Variants in SCAPER observed in about 807,000 individuals in gnomAD.
The protein encoded by SCAPER is S-phase cyclin A associated protein in the ER, also known as S phase cyclin A-associated protein in the endoplasmic reticulum.
A neutral mutation model predicts 182.2 loss-of-function variants in SCAPER; 98 were observed. That is an observed-to-expected ratio of 0.54 (90% CI 0.46 to 0.64). The LOEUF is 0.64. Among genes scored for constraint, SCAPER ranks in the 30% least tolerant of loss-of-function variants. The probability of loss-of-function intolerance (pLI) is 0.00; values close to 1 mark genes in which losing one functional copy is unlikely to be tolerated. For missense variants in SCAPER, 1,432 were observed against 1,690.0 expected, an observed-to-expected ratio of 0.85 and a Z score of 2.68; for synonymous variants, 605 against 564.6, an observed-to-expected ratio of 1.07 and a Z score of -1.01.
intron 1 of SCAPER, among the ~76,000 whole-genome samples, chr15:76,900,778 C>A (rs1299546687): frequency 6.6e-6 from 1 of 152,140 alleles, no homozygotes; most frequent in Non-Finnish European, 1.5e-5. Context: ...CAGTGAGAAG[C>A]CTGCTGGTAG....
chr15:76,386,669 G>A (rs529971458), intron 27 of SCAPER, among the ~76,000 whole-genome samples: 1 of 152,222 alleles, frequency 6.6e-6, no homozygotes, highest in South Asian at 2.1e-4. Flanking sequence ...GTGGACACCT[G>A]GGGGAAGGGT....
intron 8 of SCAPER, among the ~76,000 whole-genome samples, chr15:76,779,239 A>G (rs901548359): frequency 6.6e-6 from 1 of 152,158 alleles, no homozygotes; most frequent in African/African-American, 2.4e-5. Context: ...ACAGTGAAAA[A>G]AAATTTCAAA....
intron 23 of SCAPER, among the ~76,000 whole-genome samples, chr15:76,536,341 CA>C (rs2044159073): frequency 6.6e-6 from 1 of 152,026 alleles, no homozygotes; most frequent in Non-Finnish European, 1.5e-5. Context: ...AAAAAACACC[CA>C]GTATTAAAAT....
chr15:76,602,976 C>CTTTT (rs34097680), intron 22 of SCAPER, among the ~76,000 whole-genome samples: 1 of 57,822 alleles, frequency 1.7e-5, no homozygotes, highest in African/African-American at 4.4e-5. Context: ...AGCAAGAAAA[C>CTTTT]TTTTTTTTTT....
intron 22 of SCAPER, among the ~76,000 whole-genome samples, chr15:76,597,846 C>A (rs2145752430): frequency 8.2e-6 from 1 of 121,226 alleles, no homozygotes; most frequent in South Asian, 2.5e-4. Context: ...ATCATAAAAA[C>A]CCTAGAAGAA....
chr15:76,822,313 A>C (rs1568253782), intron 5 of SCAPER, among the ~76,000 whole-genome samples: 1 of 152,202 alleles, frequency 6.6e-6, no homozygotes, highest in Admixed American at 6.5e-5. Flanking sequence ...TGTGAACCTA[A>C]AATTGGTCTT....
chr15:76,811,992 G>C (rs1462966091), intron 5 of SCAPER, among the ~76,000 whole-genome samples: 1 of 151,768 alleles, frequency 6.6e-6, no homozygotes, highest in Non-Finnish European at 1.5e-5. Flanking sequence ...AAATAATAAA[G>C]ATAACAATAG....
At chr15:76,491,675 A>G (rs968260274) in intron 24 of SCAPER, among the ~76,000 whole-genome samples, 1 of 152,128 alleles carries the variant, frequency 6.6e-6, no homozygotes, top group Non-Finnish European at 1.5e-5. Flanking sequence ...TCTGTTGCCC[A>G]GGCTGGAGTG....
At chr15:76,501,423 T>C (rs982950128) in intron 24 of SCAPER, among the ~76,000 whole-genome samples, 1 of 149,570 alleles carries the variant, frequency 6.7e-6, no homozygotes, top group African/African-American at 2.5e-5. Flanking sequence ...AAACAAGACA[T>C]GCAACTACTG....
chr15:76,607,916 G>A (rs142988870), intron 22 of SCAPER, among the ~76,000 whole-genome samples: 5,261 of 152,144 alleles, frequency 0.035, 127 homozygotes, highest in Non-Finnish European at 0.05. Flanking sequence ...TTATCCATTC[G>A]TCTAATTTTT....
At chr15:76,756,638 G>T (rs1010144372) in intron 14 of SCAPER, among the ~76,000 whole-genome samples, 1 of 151,918 alleles carries the variant, frequency 6.6e-6, no homozygotes, top group African/African-American at 2.4e-5. Flanking sequence ...ACAGAAAAAT[G>T]TGAGCTGATA....
At chr15:76,900,142 A>G (rs1483574034) in intron 1 of SCAPER, among the ~76,000 whole-genome samples, 1 of 152,128 alleles carries the variant, frequency 6.6e-6, no homozygotes, top group Non-Finnish European at 1.5e-5. Flanking sequence ...TGAAGGCAGC[A>G]TGCTCGTTAA....
intron 23 of SCAPER, among the ~76,000 whole-genome samples, chr15:76,536,983 TA>T (rs1199928280): frequency 6.6e-6 from 1 of 151,994 alleles, no homozygotes; most frequent in Non-Finnish European, 1.5e-5. Flanking sequence ...TCAAAGAGAA[TA>T]AAATACTTAG....
intron 23 of SCAPER, among the ~76,000 whole-genome samples, chr15:76,517,413 G>A (rs1035749922): frequency 3.4e-5 from 5 of 148,772 alleles, no homozygotes; most frequent in African/African-American, 1.2e-4. Flanking sequence ...GCAGTGGTGT[G>A]ATCTTGACTC....
intron 23 of SCAPER, among the ~76,000 whole-genome samples, chr15:76,550,291 C>A (rs893738598): frequency 6.6e-6 from 1 of 152,000 alleles, no homozygotes; most frequent in Non-Finnish European, 1.5e-5. Flanking sequence ...ACCTGTCAAC[C>A]CATCACCTAG....
chr15:76,896,969 A>T (rs1334073711), intron 1 of SCAPER, among the ~76,000 whole-genome samples: 3 of 151,732 alleles, frequency 2.0e-5, no homozygotes, highest in Non-Finnish European at 2.9e-5. Flanking sequence ...TTTTTTTTTT[A>T]AAAAGAGTAA....
chr15:76,515,069 G>A (rs145858686), intron 23 of SCAPER, among the ~76,000 whole-genome samples: 21 of 152,316 alleles, frequency 1.4e-4, no homozygotes, highest in Middle Eastern at 3.4e-3. Context: ...GGAAGGTGAT[G>A]CCAAAAACAG....
At chr15:76,725,015 C>T (rs777841464) in intron 17 of SCAPER, among the ~76,000 whole-genome samples, 104 of 152,030 alleles carry the variant, frequency 6.8e-4, no homozygotes, top group Non-Finnish European at 1.4e-3. Context: ...CCATCTTCTG[C>T]GTTGCTCACA....
In SCAPER at chr15:76,825,122, T is replaced by C. The variant is rs532089179; in HGVS notation, c.393+16612A>G. On this transcript the variant is annotated intron_variant, in intron 5 of 31. Coordinates refer to ENST00000563290, the MANE Select transcript of SCAPER (RefSeq NM_020843.4). ...TGCACAGTTACCTCCAAAAAACTGC[T>C]TCAAGATCTTTCTTTTGCCTGGAAT... Among the ~76,000 whole-genome samples, 13 of 152,360 alleles carry C rather than the reference T, an allele frequency of 8.5e-5. No individual in the cohort carries two copies. The East Asian group carries it at 2.5e-3, about 29-fold the overall frequency.
Sources: gnomAD v4.1 joint callset for allele counts (sites outside exome capture counted in the v4.1 genomes callset) on GRCh38, gnomAD v4.1.1 for gene constraint, MANE v1.5 for transcripts, NCBI Gene and HGNC (gene_info 2026-07-23, HGNC 2026-07-21) for gene names.